The following ABCC9 variants were observed in gnomAD, a reference collection of about 807,000 sequenced individuals.
ABCC9 encodes the protein ATP binding cassette subfamily C member 9, also known as ATP-binding cassette sub-family C member 9.
A neutral mutation model predicts 188.3 loss-of-function variants in ABCC9; 95 were observed. The ratio of observed to expected loss-of-function variants is 0.50; its 90% CI spans 0.43 to 0.60. The LOEUF (loss-of-function observed/expected upper bound fraction) is 0.60, where lower values mean the gene tolerates loss of function less well. ABCC9 is among the 20% of genes least tolerant of loss of function. The probability of loss-of-function intolerance (pLI) is 0.00; values close to 1 mark genes in which losing one functional copy is unlikely to be tolerated. For synonymous variants in ABCC9, 659 were observed against 652.7 expected, an observed-to-expected ratio of 1.01 and a Z score of -0.15; for missense variants, 1,102 against 1,876.3, an observed-to-expected ratio of 0.59 and a Z score of 7.62.
chr12:21,840,124 A>G (rs1178525684), intron 29 of ABCC9, among the ~76,000 whole-genome samples: 1 of 152,212 alleles, frequency 6.6e-6, no homozygotes, highest in Non-Finnish European at 1.5e-5. Flanking sequence ...CAAGAAGGAA[A>G]CAGTTACTTA....
Position 21,871,719 on chromosome 12 carries a change from A to G in ABCC9, c.2198+906T>C, listed in dbSNP as rs1946088077. Among the ~76,000 whole-genome samples the G allele has an allele frequency of 2.0e-5, 3 of 152,284 alleles. No homozygotes were observed. In the South Asian group the frequency reaches 6.2e-4, roughly 32 times the overall value. On this transcript the variant is annotated intron_variant, in intron 18 of 39. Coordinates refer to ENST00000261200, the MANE Select transcript of ABCC9 (RefSeq NM_020297.4). ...CCTTGGTATGGGAGCTGTCCTGTGC[A>G]CTGTAGGATGTTAGCAGCATCCCTG...
chr12:21,854,212 A>T (rs1407747030), intron 22 of ABCC9, among the ~76,000 whole-genome samples: 1 of 152,226 alleles, frequency 6.6e-6, no homozygotes, highest in Non-Finnish European at 1.5e-5. Flanking sequence ...TGAAGTTTGG[A>T]AGTTAGAATA....
At chr12:21,824,736 A>T (rs556487659) in intron 31 of ABCC9, among the ~76,000 whole-genome samples, 5 of 152,324 alleles carry the variant, frequency 3.3e-5, no homozygotes, top group African/African-American at 1.2e-4. Context: ...GTGTGTGTCC[A>T]GAAATTTATT....
chr12:21,824,794 A>AT (rs1415425437), intron 31 of ABCC9, among the ~76,000 whole-genome samples: 2 of 152,020 alleles, frequency 1.3e-5, no homozygotes, highest in African/African-American at 4.8e-5. Context: ...TGTTTATTGC[A>AT]TTTTCTGATG....
At chr12:21,935,004 T>G (rs574710408) in intron 3 of ABCC9, among the ~76,000 whole-genome samples, 1 of 152,244 alleles carries the variant, frequency 6.6e-6, no homozygotes, top group East Asian at 1.9e-4. Flanking sequence ...TTTTTAAGAT[T>G]GATTTATGAT....
intron 14 of ABCC9, among the ~76,000 whole-genome samples, chr12:21,892,919 A>G (rs1914361): frequency 0.35 from 53,774 of 152,058 alleles, 11,099 homozygotes; most frequent in Middle Eastern, 0.47. Flanking sequence ...GCAACATGAT[A>G]CTTCATATAT....
In ABCC9 at chr12:21,850,115, G is replaced by T. The variant is rs775036396; in HGVS notation, c.2770-1869C>A. On this transcript the variant is annotated intron_variant, in intron 24 of 39. Coordinates refer to ENST00000261200, the MANE Select transcript of ABCC9 (RefSeq NM_020297.4). ...CATTTGAGCTGGACAACGCACTGTT[G>T]CAGGGTCTGCCCTGAGCATTGCAGA... is the stretch of plus-strand genomic sequence containing the variant. 6.0e-5 allele frequency among the ~76,000 whole-genome samples: 9 copies of T among 151,220 alleles called. No individual in the cohort carries two copies. In the South Asian group the frequency reaches 1.0e-3, roughly 18 times the overall value.
intron 15 of ABCC9, among the ~76,000 whole-genome samples, chr12:21,883,605 G>A (rs146236842): frequency 7.9e-5 from 12 of 152,134 alleles, no homozygotes; most frequent in Non-Finnish European, 1.3e-4. Context: ...CATTCCACCC[G>A]TACATTATTG....
intron 16 of ABCC9, among the ~76,000 whole-genome samples, chr12:21,876,215 T>C (rs1215552199): frequency 6.6e-6 from 1 of 152,198 alleles, no homozygotes; most frequent in Non-Finnish European, 1.5e-5. Context: ...AAATTTGCGA[T>C]ATTATGAAGA....
intron 35 of ABCC9, among the ~76,000 whole-genome samples, chr12:21,813,786 T>C (rs1565689500): frequency 6.6e-6 from 1 of 152,208 alleles, no homozygotes. Flanking sequence ...TAGTTCCATG[T>C]TGTTGTTCAT....
At position 21,800,929 on chromosome 12, in the gene ABCC9, G is replaced by T; in HGVS notation, c.*115C>A. 2 of 1,248,892 alleles carry T rather than the reference G, an allele frequency of 1.6e-6. No homozygotes were observed. The highest frequency in any genetic ancestry group is 2.3e-6 in the Non-Finnish European group (2 of 888,290). The allele number at this position is 1,248,892 out of a possible 1,614,324, so 77.4% of individuals were successfully genotyped here. Reference sequence around the variant, plus strand: ...CAGGAAAAATAAATGTCCACTTTTTGTGCAAAAATCTGTAAAAGTTTTAAG... The same window carrying T: ...CAGGAAAAATAAATGTCCACTTTTTTTGCAAAAATCTGTAAAAGTTTTAAG... On this transcript the variant is annotated 3_prime_UTR_variant, in exon 40 of 40. Transcript: ENST00000261200.
Position 21,933,878 on chromosome 12 carries a change from C to T in ABCC9, c.188G>A (p.Trp63Ter). The T allele has an allele frequency of 6.2e-7, 1 of 1,613,590 alleles. No homozygotes were observed. Among genetic ancestry groups the T allele is most frequent in the Non-Finnish European group, 8.5e-7 (1 of 1,179,638 alleles). ...SSKVQIHHNT[W>*]LHFPGHNLRW... ...CAGGTTATGTCCCGGAAAATGAAGC[C>T]ATGTGTTGTGGTGAATTTGTACTTT... Residue 63 changes from tryptophan to a stop codon, truncating the protein, a stop_gained, in exon 4 of 40, where the codon TGG (tryptophan) becomes TAG (stop). Transcript: ENST00000261200. LOFTEE classifies it high-confidence loss of function.
At chr12:21,888,441 A>G (rs772805453) in intron 14 of ABCC9, among the ~76,000 whole-genome samples, 11 of 152,110 alleles carry the variant, frequency 7.2e-5, no homozygotes, top group Admixed American at 2.0e-4. Context: ...CTTAAGCACT[A>G]TGCATGATTC....
In ABCC9 at chr12:21,845,825, T is replaced by C. The variant is rs113544922; in HGVS notation, c.2874A>G (p.Glu958=). ...TGTTATCATCCTCATCTTCCTCCTC[T>C]TCTTCCTCTACATACAAAAAACTTT... is the stretch of plus-strand genomic sequence containing the variant. ...AQMEDEDEEE[E]EEEDEDDNMS... is the part of the protein sequence containing the mutation. The change falls in exon 26 of 40, where the codon GAA becomes GAG. Residue 958 remains glutamate (E), a synonymous_variant. Coordinates refer to ENST00000261200, the MANE Select transcript of ABCC9 (RefSeq NM_020297.4). The C allele has an allele frequency of 1.2e-6, 2 of 1,613,036 alleles. No homozygotes were observed. The highest frequency in any genetic ancestry group is 1.7e-5 in the Admixed American group (1 of 59,948).
chr12:21,857,004 TG>T (rs1326278851), intron 22 of ABCC9, among the ~76,000 whole-genome samples: 1 of 152,176 alleles, frequency 6.6e-6, no homozygotes, highest in African/African-American at 2.4e-5. Context: ...GAGAATCAAA[TG>T]GGATAATACT....
intron 31 of ABCC9, among the ~76,000 whole-genome samples, chr12:21,825,795 A>G (rs957819042): frequency 6.6e-6 from 1 of 151,554 alleles, no homozygotes; most frequent in African/African-American, 2.4e-5. Flanking sequence ...AGTATAATTT[A>G]AAAAAAAAGA....
chr12:21,924,097 C>G (rs1948952480), intron 5 of ABCC9: 1 of 363,480 alleles, frequency 2.8e-6, no homozygotes. Flanking sequence ...GATATTGCTT[C>G]TGTAAAGGTG....
intron 5 of ABCC9, among the ~76,000 whole-genome samples, chr12:21,922,309 T>TAATATTTATTGATTTGCAAAA (rs1948854368): frequency 6.6e-6 from 1 of 151,988 alleles, no homozygotes; most frequent in African/African-American, 2.4e-5. Flanking sequence ...AGGTATTTTA[T>TAATATTTATTGATTTGCAAAA]AATATTTATT....
Position 21,917,246 on chromosome 12 carries a change from C to T in ABCC9, c.407-143G>A, listed in dbSNP as rs764407034. On this transcript the variant is annotated intron_variant, in intron 5 of 39. Transcript: ENST00000261200. ...ATGGTTTTACTTGGTAAGAAAACAA[C>T]ATATATGATTTAGTGTACTTCTGGA... is the stretch of plus-strand genomic sequence containing the variant. 88 of 884,072 alleles carry T rather than the reference C, an allele frequency of 1.0e-4. No homozygotes were observed. In the Middle Eastern group the frequency reaches 1.0e-3, roughly 10 times the overall value. 54.8% of individuals were successfully genotyped at this position (884,072 alleles called of 1,614,324 possible).
Sources: allele counts gnomAD v4.1 joint callset (sites outside exome capture counted in the v4.1 genomes callset), GRCh38; gene constraint gnomAD v4.1.1; transcripts MANE v1.5; gene names NCBI Gene and HGNC (gene_info 2026-07-23, HGNC 2026-07-21).